NPAS2: variants seen among roughly 807,000 people sequenced by gnomAD.
NPAS2 encodes the protein neuronal PAS domain-containing protein 2.
Under a neutral mutation model 107.5 loss-of-function variants are expected in NPAS2, and 23 were observed. The observed-to-expected ratio is 0.21, with a 90% CI of 0.15 to 0.30. The LOEUF is 0.30. NPAS2 is among the 10% of genes least tolerant of loss of function. The pLI, the probability that NPAS2 is intolerant of heterozygous loss-of-function variation, is 1.00. For missense variants in NPAS2, 756 were observed against 1,043.3 expected, an observed-to-expected ratio of 0.72 and a Z score of 3.79; for synonymous variants, 403 against 417.5, an observed-to-expected ratio of 0.97 and a Z score of 0.42.
At chr2:100,953,940 A>G (rs1171436523) in intron 7 of NPAS2, among the ~76,000 whole-genome samples, 1 of 152,216 alleles carries the variant, frequency 6.6e-6, no homozygotes, top group Non-Finnish European at 1.5e-5. Context: ...AGTCATGGAA[A>G]TGACTGTCAT....
intron 2 of NPAS2, among the ~76,000 whole-genome samples, chr2:100,920,628 C>T (rs1239782173): frequency 6.6e-6 from 1 of 152,174 alleles, no homozygotes; most frequent in Non-Finnish European, 1.5e-5. Context: ...GCTGCTGGCC[C>T]CTTACTATAA....
chr2:100,906,157 G>C (rs913659546), intron 2 of NPAS2, among the ~76,000 whole-genome samples: 7 of 152,202 alleles, frequency 4.6e-5, no homozygotes, highest in African/African-American at 1.7e-4. Flanking sequence ...GAACTCCCCA[G>C]CTTATCCTGA....
intron 1 of NPAS2, among the ~76,000 whole-genome samples, chr2:100,899,704 T>G (rs1015542811): frequency 1.3e-5 from 2 of 152,232 alleles, no homozygotes; most frequent in Non-Finnish European, 2.9e-5. Flanking sequence ...TTATCTTATG[T>G]GTCTTTCACC....
At chr2:100,899,443 G>A (rs182992765) in intron 1 of NPAS2, among the ~76,000 whole-genome samples, 7 of 152,038 alleles carry the variant, frequency 4.6e-5, no homozygotes, top group African/African-American at 1.7e-4. Flanking sequence ...GGCTGGTCTC[G>A]AACTCCTGAC....
intron 15 of NPAS2, among the ~76,000 whole-genome samples, chr2:100,981,657 C>T (rs1159430190): frequency 1.3e-5 from 2 of 152,172 alleles, no homozygotes; most frequent in Non-Finnish European, 2.9e-5. Context: ...CACAGATTTC[C>T]GAGACGTGCA....
intron 1 of NPAS2, among the ~76,000 whole-genome samples, chr2:100,870,834 G>A (rs865818536): frequency 6.6e-6 from 1 of 152,186 alleles, no homozygotes; most frequent in Non-Finnish European, 1.5e-5. Flanking sequence ...TGTGGCAAGC[G>A]CTGATGCTTC....
At chr2:100,898,334 T>C (rs1681551499) in intron 1 of NPAS2, among the ~76,000 whole-genome samples, 1 of 152,204 alleles carries the variant, frequency 6.6e-6, no homozygotes, top group African/African-American at 2.4e-5. Context: ...ATTATGGGCA[T>C]GAGCCACTGC....
At chr2:100,884,985 T>G (rs6732349) in intron 1 of NPAS2, among the ~76,000 whole-genome samples, 113,897 of 151,012 alleles carry the variant, frequency 0.75, 43,278 homozygotes, top group African/African-American at 0.84. Flanking sequence ...GTCTCACTCT[T>G]TCACCCAGGC....
At chr2:100,980,496 G>A (rs767087903) in intron 15 of NPAS2, among the ~76,000 whole-genome samples, 12 of 151,798 alleles carry the variant, frequency 7.9e-5, no homozygotes, top group Non-Finnish European at 1.6e-4. Flanking sequence ...TTGAGACGGG[G>A]TCTCACTCTG....
intron 1 of NPAS2, among the ~76,000 whole-genome samples, chr2:100,894,363 T>G (rs1368807811): frequency 6.6e-6 from 1 of 152,180 alleles, no homozygotes; most frequent in Non-Finnish European, 1.5e-5. Flanking sequence ...TGCTTTCCTG[T>G]TTAGTTATGA....
chr2:100,988,372 G>A, intron 17 of NPAS2, 96 bp downstream of exon 17: 1 of 1,018,858 alleles, frequency 9.8e-7, no homozygotes, highest in Non-Finnish European at 1.5e-6. Flanking sequence ...TACGTGAACT[G>A]AGGCCTACTG....
At chr2:100,857,208 G>A (rs1678630366) in intron 1 of NPAS2, among the ~76,000 whole-genome samples, 1 of 148,946 alleles carries the variant, frequency 6.7e-6, no homozygotes, top group African/African-American at 2.5e-5. Context: ...TGAGGCAGGA[G>A]AATCACTTGA....
chr2:100,966,161 G>C (rs1375182176), intron 10 of NPAS2, among the ~76,000 whole-genome samples: 1 of 152,140 alleles, frequency 6.6e-6, no homozygotes, highest in Non-Finnish European at 1.5e-5. Context: ...GCCAGATACT[G>C]AGTAGGCTGG....
upstream of NPAS2, among the ~76,000 whole-genome samples, chr2:100,818,746 G>A (rs1048963853): frequency 3.9e-5 from 6 of 152,250 alleles, no homozygotes; most frequent in East Asian, 1.9e-4. Flanking sequence ...TAAGAGGGAC[G>A]GAGAGACGTC....
At chr2:100,904,186 G>A (rs1453953966) in intron 1 of NPAS2, among the ~76,000 whole-genome samples, 1 of 152,084 alleles carries the variant, frequency 6.6e-6, no homozygotes, top group South Asian at 2.1e-4. Flanking sequence ...ATAGGCCACT[G>A]GGGTCCTGCA....
chr2:100,861,018 A>AC, intron 1 of NPAS2, among the ~76,000 whole-genome samples: 1 of 149,386 alleles, frequency 6.7e-6, no homozygotes, highest in Non-Finnish European at 1.5e-5. Context: ...ACAGGTACAC[A>AC]CCACCACCCC....
At chr2:100,878,496 A>G (rs1680126791) in intron 1 of NPAS2, 2 of 985,316 alleles carry the variant, frequency 2.0e-6, no homozygotes, top group Admixed American at 6.1e-5. Context: ...GCAAGAAGAA[A>G]AGGCATGGAG....
At chr2:100,989,941 G>T in intron 17 of NPAS2, 1 of 328,900 alleles carries the variant, frequency 3.0e-6, no homozygotes, top group South Asian at 4.9e-5. Flanking sequence ...CCCTAGGGCA[G>T]GAGTAGGCCT....
intron 1 of NPAS2, among the ~76,000 whole-genome samples, chr2:100,891,681 T>A (rs1438122121): frequency 6.6e-6 from 1 of 152,340 alleles, no homozygotes; most frequent in East Asian, 1.9e-4. Flanking sequence ...CAATTAGCAA[T>A]TCACATCAAA....
Sources: gnomAD v4.1 joint callset for allele counts (sites outside exome capture counted in the v4.1 genomes callset) on GRCh38, gnomAD v4.1.1 for gene constraint, MANE v1.5 for transcripts, NCBI Gene and HGNC (gene_info 2026-07-23, HGNC 2026-07-21) for gene names.